The following C3orf52 variants were observed in gnomAD, a reference collection of about 807,000 sequenced individuals.
C3orf52 encodes chromosome 3 open reading frame 52, also known as TPA-induced transmembrane protein.
In C3orf52, 22 loss-of-function variants were observed where a neutral mutation model predicts 24.8. That is an observed-to-expected ratio of 0.89 (90% CI 0.63 to 1.27). The LOEUF (loss-of-function observed/expected upper bound fraction) is 1.27, where lower values mean the gene tolerates loss of function less well. Among genes scored for constraint, C3orf52 ranks in the 50% most tolerant of loss-of-function variants. The pLI is 0.00. For missense variants in C3orf52, 265 were observed against 260.7 expected (o/e 1.02, Z -0.11); for synonymous variants, 93 against 100.2 (o/e 0.93, Z 0.43).
chr3:112,123,341 GGTT>G, intron 4 of C3orf52: 1 of 1,513,178 alleles, frequency 6.6e-7, no homozygotes, highest in African/African-American at 1.4e-5. Context: ...GCAGGGAAAG[GGTT>G]GTTGTGGGAG....
chr3:112,095,701 T>C (rs2107777092), intron 2 of C3orf52, among the ~76,000 whole-genome samples: 1 of 152,190 alleles, frequency 6.6e-6, no homozygotes, highest in East Asian at 1.9e-4. Context: ...CAAACTACTT[T>C]TTAAATCAAG....
intron 2 of C3orf52, among the ~76,000 whole-genome samples, chr3:112,099,596 T>C (rs1159852103): frequency 1.3e-5 from 2 of 152,202 alleles, no homozygotes. Context: ...CCTCAGTGTC[T>C]TCATTTAAAA....
At chr3:112,112,686 G>T in intron 4 of C3orf52, 2 of 424,438 alleles carry the variant, frequency 4.7e-6, no homozygotes, top group South Asian at 2.2e-5. Flanking sequence ...ACTGGAGATG[G>T]GCACCTCTAC....
At chr3:112,108,556 G>C (rs1002809863) in intron 3 of C3orf52, among the ~76,000 whole-genome samples, 1 of 152,334 alleles carries the variant, frequency 6.6e-6, no homozygotes, top group Non-Finnish European at 1.5e-5. Flanking sequence ...AGTTGTGATG[G>C]GGAAAATTGA....
At chr3:112,133,061 C>T, downstream of C3orf52, 1 of 1,609,094 alleles carries the variant, frequency 6.2e-7, no homozygotes, top group Non-Finnish European at 8.5e-7. Context: ...GTCCCATCTC[C>T]TCTGCTCTCC....
At chr3:112,118,621 G>A (rs2074160754), downstream of C3orf52, among the ~76,000 whole-genome samples, 1 of 151,630 alleles carries the variant, frequency 6.6e-6, no homozygotes, top group Admixed American at 6.6e-5. Flanking sequence ...TGCCCAAATG[G>A]TATGGGAAAA....
At position 112,127,034 on chromosome 3, in the gene C3orf52, C is replaced by G. The variant is rs774570948; in HGVS notation, c.*47-1199C>G. Reference sequence around the variant, plus strand: ...CTTTTCAAAAATGAGTATTTTTTTCCTGTAAAAGAAAAGCAAAGCAAATTG... The same window carrying G: ...CTTTTCAAAAATGAGTATTTTTTTCGTGTAAAAGAAAAGCAAAGCAAATTG... On this transcript the variant is annotated intron_variant, in intron 4 of 4. Coordinates refer to the C3orf52 transcript ENST00000480282. 3.2e-6 allele frequency: 5 copies of G among 1,574,744 alleles called. No individual in the cohort carries two copies. In the South Asian group the frequency reaches 5.7e-5, roughly 18 times the overall value.
At chr3:112,115,327 A>C (rs1031128797) in intron 5 of C3orf52, among the ~76,000 whole-genome samples, 2 of 152,128 alleles carry the variant, frequency 1.3e-5, no homozygotes, top group African/African-American at 4.8e-5. Flanking sequence ...GGCAAACTCT[A>C]GAGAAAGGGA....
chr3:112,122,202 C>G (rs1229029190), downstream of C3orf52: 1 of 152,220 alleles, frequency 6.6e-6, no homozygotes, highest in African/African-American at 2.4e-5. Context: ...AAACTATAAT[C>G]ATTTAGGGCA....
downstream of C3orf52, chr3:112,121,455 C>G (rs2074198111): frequency 6.6e-6 from 1 of 152,138 alleles, no homozygotes; most frequent in African/African-American, 2.4e-5. Context: ...ATGTAATCCT[C>G]CTGTTGATGG....
At chr3:112,093,576 T>C in intron 2 of C3orf52, 87 bp downstream of exon 2, 1 of 1,237,542 alleles carries the variant, frequency 8.1e-7, no homozygotes, top group Non-Finnish European at 1.1e-6. Context: ...GATGTACTCA[T>C]AGCCATTTCA....
chr3:112,122,514 C>T (rs1020130319), downstream of C3orf52: 1 of 152,136 alleles, frequency 6.6e-6, no homozygotes, highest in Non-Finnish European at 1.5e-5. Context: ...GAGTGCTTAT[C>T]AGAGAAGGTA....
In C3orf52 at chr3:112,117,510, T is replaced by A. The variant is rs2074147136; in HGVS notation, c.*864T>A. ...ACTTTGGATAGTCACTCCATTTATA[T>A]TTTTATAAACTTCCATTAGAGAATC... is the stretch of plus-strand genomic sequence containing the variant. On this transcript the variant is annotated 3_prime_UTR_variant, in exon 6 of 6. Coordinates refer to ENST00000264848, the MANE Select transcript of C3orf52 (RefSeq NM_024616.3). 6.5e-6 allele frequency: 1 copy of A among 152,700 alleles called. No individual in the cohort carries two copies. The highest frequency in any genetic ancestry group is 2.4e-5 in the African/African-American group (1 of 41,460). The allele number at this position is 152,700 out of a possible 1,614,324, so 9.5% of individuals were successfully genotyped here. A position where few individuals can be genotyped will look rare whatever the true frequency, so the allele number is the denominator to read the frequency against.
chr3:112,133,140 C>A, downstream of C3orf52: 3 of 1,613,784 alleles, frequency 1.9e-6, no homozygotes, highest in South Asian at 1.1e-5. Flanking sequence ...CCTCTCAGGG[C>A]TTCCCCTCCG....
chr3:112,130,246 G>T, downstream of C3orf52: 1 of 596,042 alleles, frequency 1.7e-6, no homozygotes, highest in Non-Finnish European at 3.0e-6. Flanking sequence ...AGTTACATTA[G>T]GCTTCTAGCA....
chr3:112,130,174 G>A, downstream of C3orf52: 1 of 424,986 alleles, frequency 2.4e-6, no homozygotes, highest in Non-Finnish European at 4.3e-6. Flanking sequence ...CAGGAAATAA[G>A]ACCTTTTATT....
In C3orf52 at chr3:112,105,445, T is replaced by G. The variant is rs553389100; in HGVS notation, c.396+2480T>G. ...TTCCATTAGGTCAAGTTTCAGAAGTTTCTGGATATAAAAGGTAAATGGAAG... is the reference window on the plus strand; with the variant it reads ...TTCCATTAGGTCAAGTTTCAGAAGTGTCTGGATATAAAAGGTAAATGGAAG... On this transcript the variant is annotated intron_variant, in intron 3 of 5. Transcript: ENST00000264848. Among the ~76,000 whole-genome samples the G allele has an allele frequency of 2.6e-5, 4 of 152,254 alleles. No individual in the cohort carries two copies. In the East Asian group the frequency reaches 7.7e-4, roughly 29 times the overall value.
chr3:112,113,003 G>A lies in C3orf52; in HGVS notation c.507G>A (p.Gly169=). 1 of 1,608,596 alleles carries A rather than the reference G, an allele frequency of 6.2e-7. No homozygotes were observed. The highest frequency in any genetic ancestry group is 2.2e-5 in the East Asian group (1 of 44,798). Residue 169 remains glycine (G), a synonymous_variant, in exon 5 of 6, where the codon GGG becomes GGA. Coordinates refer to ENST00000264848, the MANE Select transcript of C3orf52 (RefSeq NM_024616.3). ...CAGTAACGTATGACCTGCAATTTGG[G>A]GTTCCATCAGATGATGAAAATTTTA... ...NATVTYDLQF[G]VPSDDENFMK...
At chr3:112,103,876 A>G (rs539930868) in intron 3 of C3orf52, among the ~76,000 whole-genome samples, 1 of 152,346 alleles carries the variant, frequency 6.6e-6, no homozygotes, top group Admixed American at 6.5e-5. Context: ...GGCAGGCGTC[A>G]GGTCATGAAG....
Sources: allele counts gnomAD v4.1 joint callset (sites outside exome capture counted in the v4.1 genomes callset), GRCh38; gene constraint gnomAD v4.1.1; transcripts MANE v1.5; gene names NCBI Gene and HGNC (gene_info 2026-07-23, HGNC 2026-07-21).